TTC28: variants seen among roughly 807,000 people sequenced by gnomAD.
TTC28 encodes tetratricopeptide repeat protein 28.
In TTC28, 61 loss-of-function variants were observed where a neutral mutation model predicts 198.0. That is an observed-to-expected ratio of 0.31 (90% CI 0.25 to 0.38). The LOEUF (loss-of-function observed/expected upper bound fraction) is 0.38, where lower values mean the gene tolerates loss of function less well. Among genes scored for constraint, TTC28 ranks in the 10% least tolerant of loss-of-function variants. The probability of loss-of-function intolerance (pLI) is 1.00; values close to 1 mark genes in which losing one functional copy is unlikely to be tolerated. For missense variants in TTC28, 2,678 were observed against 3,164.0 expected (o/e 0.85, Z 3.69); for synonymous variants, 1,171 against 1,297.8 (o/e 0.90, Z 2.10).
intron 2 of TTC28, among the ~76,000 whole-genome samples, chr22:28,547,816 TAA>T (rs200379532): frequency 9.3e-5 from 13 of 139,676 alleles, no homozygotes; most frequent in Admixed American, 1.4e-4. Context: ...TCCCCCTAGT[TAA>T]AAAAAAAAAA....
intron 6 of TTC28, among the ~76,000 whole-genome samples, chr22:28,125,451 C>T (rs539791835): frequency 6.6e-6 from 1 of 152,320 alleles, no homozygotes; most frequent in African/African-American, 2.4e-5. Context: ...GACCCAATCA[C>T]AACTCAGGGT....
chr22:28,334,829 C>T (rs2045681913), intron 2 of TTC28, among the ~76,000 whole-genome samples: 1 of 152,122 alleles, frequency 6.6e-6, no homozygotes, highest in Non-Finnish European at 1.5e-5. Flanking sequence ...GGTTCCTTTG[C>T]TATTCTTGTG....
chr22:28,174,194 T>A (rs1428331154), intron 5 of TTC28, among the ~76,000 whole-genome samples: 1 of 152,212 alleles, frequency 6.6e-6, no homozygotes, highest in African/African-American at 2.4e-5. Flanking sequence ...GTAACATCTT[T>A]GAGACTTAGT....
rs1319585115 is a variant in TTC28, at chr22:27,985,232, T to C, written c.5815+17A>G. ...GGCAGGCCCTGGTGGAGAACTGGTC[T>C]GAGGGCAGGCTCTTACCAAACAGAG... On this transcript the variant is annotated intron_variant, in intron 22 of 22. Transcript: ENST00000397906. 2 of 1,541,772 alleles carry C rather than the reference T, an allele frequency of 1.3e-6. No homozygotes were observed. Among genetic ancestry groups the C allele is most frequent in the East Asian group, 2.5e-5 (1 of 40,774 alleles).
chr22:28,281,316 T>C (rs1354528855), intron 5 of TTC28, among the ~76,000 whole-genome samples: 1 of 152,126 alleles, frequency 6.6e-6, no homozygotes, highest in East Asian at 1.9e-4. Context: ...GATTTTCAGA[T>C]TGGATACTTT....
At chr22:28,003,611 A>G (rs2146556114) in intron 14 of TTC28, among the ~76,000 whole-genome samples, 1 of 152,304 alleles carries the variant, frequency 6.6e-6, no homozygotes, top group East Asian at 1.9e-4. Context: ...CCACTCATAG[A>G]CAAGTCCCTG....
intron 5 of TTC28, among the ~76,000 whole-genome samples, chr22:28,197,781 G>A (rs1464111518): frequency 2.0e-5 from 3 of 152,076 alleles, no homozygotes; most frequent in African/African-American, 7.2e-5. Flanking sequence ...TTGGGAGATT[G>A]AGGTAGGAGG....
intron 2 of TTC28, among the ~76,000 whole-genome samples, chr22:28,624,446 A>G (rs893978412): frequency 2.4e-4 from 37 of 152,206 alleles, no homozygotes; most frequent in African/African-American, 8.9e-4. Context: ...AAAGGATAAT[A>G]AAGGAATATT....
intron 5 of TTC28, among the ~76,000 whole-genome samples, chr22:28,193,331 T>C (rs572137492): frequency 1.2e-4 from 18 of 152,128 alleles, no homozygotes; most frequent in African/African-American, 1.9e-4. Flanking sequence ...ACTGCAAAAA[T>C]ATGCCAAATT....
intron 2 of TTC28, among the ~76,000 whole-genome samples, chr22:28,515,888 G>A (rs73168192): frequency 6.6e-5 from 10 of 152,228 alleles, no homozygotes; most frequent in Non-Finnish European, 1.5e-4. Context: ...GCTCATGCCT[G>A]TAATCTCAGC....
At chr22:28,198,067 CT>C (rs1476738859) in intron 5 of TTC28, among the ~76,000 whole-genome samples, 1 of 152,106 alleles carries the variant, frequency 6.6e-6, no homozygotes, top group Non-Finnish European at 1.5e-5. Flanking sequence ...ACTGTTGAAG[CT>C]TTTCTGACAA....
chr22:28,358,357 G>A (rs1021471682), intron 2 of TTC28, among the ~76,000 whole-genome samples: 1 of 152,106 alleles, frequency 6.6e-6, no homozygotes, highest in South Asian at 2.1e-4. Context: ...CTGGTCACAG[G>A]CTCTATTACT....
chr22:28,099,056 G>GCC lies in TTC28; in HGVS notation c.3418-13_3418-12insGG. On this transcript the variant is annotated splice_polypyrimidine_tract_variant and intron_variant, in intron 9 of 22. Coordinates refer to ENST00000397906, the MANE Select transcript of TTC28 (RefSeq NM_001145418.2). ...GATGCCCTATAAAGCTGCAAGGAGGGAGGAAGAACATCATCCATTCCCCAG... is the reference window on the plus strand; with the variant it reads ...GATGCCCTATAAAGCTGCAAGGAGGGCCAGGAAGAACATCATCCATTCCCCAG... 6.4e-7 allele frequency: 1 copy of GCC among 1,551,844 alleles called. No homozygotes were observed.
chr22:28,397,738 T>C (rs898638544), intron 2 of TTC28, among the ~76,000 whole-genome samples: 1 of 152,206 alleles, frequency 6.6e-6, no homozygotes, highest in African/African-American at 2.4e-5. Context: ...CTTAAGAACA[T>C]AGAGCTAATA....
chr22:28,159,357 CTAAAAA>C (rs1943832059), intron 6 of TTC28, among the ~76,000 whole-genome samples: 1 of 152,018 alleles, frequency 6.6e-6, no homozygotes, highest in African/African-American at 2.4e-5. Context: ...TCAAAAAAAA[CTAAAAA>C]TAGAGCTACC....
rs151175827 is a variant in TTC28, at chr22:27,986,909, A to G, written c.5708-1553T>C. Among the ~76,000 whole-genome samples the G allele has an allele frequency of 5.8e-3, 889 of 152,322 alleles. 9 individuals carry two copies. The highest frequency in any genetic ancestry group is 0.021 in the African/African-American group (855 of 41,564). ...TCAGCATTAAAAACCAATAATGAAT[A>G]GTATCAATGTAATGCTTCCATTAGA... On this transcript the variant is annotated intron_variant, in intron 21 of 22. Transcript: ENST00000397906.
chr22:28,231,835 T>G (rs1928826797), intron 5 of TTC28, among the ~76,000 whole-genome samples: 1 of 152,230 alleles, frequency 6.6e-6, no homozygotes, highest in Non-Finnish European at 1.5e-5. Flanking sequence ...CAACTGACAA[T>G]GGTTTATTAA....
intron 2 of TTC28, among the ~76,000 whole-genome samples, chr22:28,430,888 A>G (rs112950182): frequency 8.9e-5 from 3 of 33,762 alleles, no homozygotes; most frequent in Non-Finnish European, 1.4e-4. Context: ...ATTGTAAAAG[A>G]AAAAAAAAAA....
chr22:28,353,846 C>A (rs2046036337), intron 2 of TTC28, among the ~76,000 whole-genome samples: 1 of 152,066 alleles, frequency 6.6e-6, no homozygotes, highest in Non-Finnish European at 1.5e-5. Flanking sequence ...AAACAAGCAA[C>A]CCAATTTTTT....
Sources: gnomAD v4.1 joint callset for allele counts (sites outside exome capture counted in the v4.1 genomes callset) on GRCh38, gnomAD v4.1.1 for gene constraint, MANE v1.5 for transcripts, NCBI Gene and HGNC (gene_info 2026-07-23, HGNC 2026-07-21) for gene names.